GSG1L: variants seen among roughly 807,000 people sequenced by gnomAD.
GSG1L encodes GSG1 like, also known as germ cell-specific gene 1-like protein.
GSG1L carries 24 observed loss-of-function variants against 42.1 expected under a neutral mutation model. That is an observed-to-expected ratio of 0.57 (90% CI 0.41 to 0.80). The LOEUF is 0.80. Ranked by LOEUF, GSG1L falls within the 30% of genes least tolerant of loss-of-function variation. The pLI is 0.00. For missense variants in GSG1L, 445 were observed against 472.2 expected (o/e 0.94, Z 0.53); for synonymous variants, 215 against 203.5 (o/e 1.06, Z -0.48).
chr16:27,828,236 G>T (rs1345217957), intron 5 of GSG1L, among the ~76,000 whole-genome samples: 1 of 151,548 alleles, frequency 6.6e-6, no homozygotes, highest in Admixed American at 6.6e-5. Flanking sequence ...CATTCATCCA[G>T]CCATCCATCT....
intron 1 of GSG1L, among the ~76,000 whole-genome samples, chr16:27,988,421 T>A (rs946309071): frequency 2.6e-5 from 4 of 152,180 alleles, no homozygotes; most frequent in Admixed American, 6.5e-5. Flanking sequence ...GGAAAAGTAA[T>A]TTTTTCTAGT....
chr16:27,947,540 GGAAAGAAAGAAAGAAAGAAA>G (rs773407925), intron 2 of GSG1L, among the ~76,000 whole-genome samples: 28 of 97,158 alleles, frequency 2.9e-4, no homozygotes, highest in South Asian at 1.2e-3. Flanking sequence ...AAAGAATGAA[GGAAAGAAAGAAAGAAAGAAA>G]GAAAGAAAGA....
intron 1 of GSG1L, among the ~76,000 whole-genome samples, chr16:28,000,859 G>T (rs1014405313): frequency 6.6e-6 from 1 of 152,000 alleles, no homozygotes; most frequent in Non-Finnish European, 1.5e-5. Context: ...ATTTCCCCTT[G>T]ACCCGCCATT....
At chr16:28,014,783 A>G (rs1488984942) in intron 1 of GSG1L, among the ~76,000 whole-genome samples, 4 of 151,342 alleles carry the variant, frequency 2.6e-5, no homozygotes, top group Non-Finnish European at 5.9e-5. Flanking sequence ...ACAGGCATTA[A>G]CCACCGTGCC....
In GSG1L at chr16:27,813,788, G is replaced by A. The variant is rs74742990; in HGVS notation, c.831-6234C>T. Among the ~76,000 whole-genome samples, 563 of 152,334 alleles carry A rather than the reference G, an allele frequency of 3.7e-3. 1 individual carries two copies. Among genetic ancestry groups the A allele is most frequent in the Non-Finnish European group, 5.9e-3 (403 of 68,026 alleles). On this transcript the variant is annotated intron_variant, in intron 5 of 6. Transcript: ENST00000447459. ...GGGCTCCCTGGCAGGAAACACGGAG[G>A]GGACAAGGGTAGGCTTTGGGCACAA...
intron 3 of GSG1L, among the ~76,000 whole-genome samples, chr16:27,883,877 G>T (rs1336832499): frequency 6.6e-6 from 1 of 152,200 alleles, no homozygotes; most frequent in Admixed American, 6.5e-5. Context: ...GTCCTATGAT[G>T]CAGTTGACTG....
chr16:27,959,539 G>A (rs1469308760), intron 2 of GSG1L, among the ~76,000 whole-genome samples: 1 of 134,178 alleles, frequency 7.5e-6, no homozygotes, highest in Admixed American at 7.5e-5. Flanking sequence ...GAGGGAAGGG[G>A]AGGGAAGGGA....
At chr16:27,977,465 C>T (rs529287732) in intron 1 of GSG1L, among the ~76,000 whole-genome samples, 13 of 147,132 alleles carry the variant, frequency 8.8e-5, no homozygotes, top group Admixed American at 8.5e-4. Context: ...GAGGCTGAGG[C>T]ACAAGAATCG....
chr16:27,848,509 A>G (rs1480549725), intron 3 of GSG1L, among the ~76,000 whole-genome samples: 1 of 152,192 alleles, frequency 6.6e-6, no homozygotes. Context: ...AATATTTAGC[A>G]AAGGCTTTTC....
At chr16:28,013,827 T>C (rs566055775) in intron 1 of GSG1L, among the ~76,000 whole-genome samples, 3 of 152,368 alleles carry the variant, frequency 2.0e-5, no homozygotes, top group African/African-American at 7.2e-5. Flanking sequence ...GGCATGGCCA[T>C]GCAAAGCTCT....
At chr16:28,006,899 T>G (rs994845896) in intron 1 of GSG1L, among the ~76,000 whole-genome samples, 3 of 151,552 alleles carry the variant, frequency 2.0e-5, no homozygotes, top group African/African-American at 7.3e-5. Context: ...GGAACAGGAG[T>G]GGGACCCACA....
At chr16:28,011,993 C>T (rs920963454) in intron 1 of GSG1L, among the ~76,000 whole-genome samples, 3 of 152,074 alleles carry the variant, frequency 2.0e-5, no homozygotes, top group Non-Finnish European at 4.4e-5. Context: ...AAACAGAACC[C>T]ACCAGATCAT....
chr16:27,907,154 C>T (rs1371432047), intron 2 of GSG1L, among the ~76,000 whole-genome samples: 2 of 152,350 alleles, frequency 1.3e-5, no homozygotes, highest in South Asian at 2.1e-4. Context: ...GAGGCGGTCC[C>T]TTTCCACTGG....
chr16:28,027,259 A>G (rs1366754095), intron 1 of GSG1L, among the ~76,000 whole-genome samples: 4 of 152,140 alleles, frequency 2.6e-5, no homozygotes, highest in Admixed American at 1.3e-4. Flanking sequence ...TAAGCCAGCC[A>G]ATCAGAGTAC....
chr16:28,005,869 A>G (rs749439574), intron 1 of GSG1L, among the ~76,000 whole-genome samples: 3 of 152,230 alleles, frequency 2.0e-5, no homozygotes, highest in Non-Finnish European at 4.4e-5. Flanking sequence ...TCCACGCTTT[A>G]ATCTTTGGAA....
At chr16:28,015,881 G>C (rs939231597) in intron 1 of GSG1L, among the ~76,000 whole-genome samples, 1 of 152,206 alleles carries the variant, frequency 6.6e-6, no homozygotes, top group Non-Finnish European at 1.5e-5. Context: ...GCTGCCACTG[G>C]GCTGTATAAT....
chr16:27,968,686 C>T (rs1053211465), intron 1 of GSG1L, among the ~76,000 whole-genome samples: 1 of 152,188 alleles, frequency 6.6e-6, no homozygotes, highest in Non-Finnish European at 1.5e-5. Context: ...CCTCCTGCAG[C>T]AGGCTCCCAG....
At chr16:27,948,596 A>ACTT (rs1461136351) in intron 2 of GSG1L, among the ~76,000 whole-genome samples, 4 of 133,878 alleles carry the variant, frequency 3.0e-5, no homozygotes, top group South Asian at 2.3e-4. Context: ...CTGGTCTTGA[A>ACTT]CTTCTTCTTC....
chr16:27,967,606 C>T (rs1041172103), intron 1 of GSG1L, among the ~76,000 whole-genome samples: 1 of 152,184 alleles, frequency 6.6e-6, no homozygotes, highest in Non-Finnish European at 1.5e-5. Context: ...TTGCTGACAG[C>T]CAAGAACTAG....
Sources: allele counts gnomAD v4.1 joint callset (sites outside exome capture counted in the v4.1 genomes callset), GRCh38; gene constraint gnomAD v4.1.1; transcripts MANE v1.5; gene names NCBI Gene and HGNC (gene_info 2026-07-23, HGNC 2026-07-21).